FAAH2: variants seen among roughly 807,000 people sequenced by gnomAD.
FAAH2 encodes fatty-acid amide hydrolase 2.
FAAH2 carries 60 observed loss-of-function variants against 36.9 expected under a neutral mutation model. That is an observed-to-expected ratio of 1.63 (90% confidence interval 1.32 to 2.02). The LOEUF (loss-of-function observed/expected upper bound fraction) is 2.02, where lower values mean the gene tolerates loss of function less well. Among genes scored for constraint, FAAH2 ranks in the 30% most tolerant of loss-of-function variants. The pLI is 0.00. For synonymous variants in FAAH2, 214 were observed against 143.8 expected (o/e 1.49, Z -3.49); for missense variants, 689 against 397.5 (o/e 1.73, Z -6.23).
At chrX:57,440,464 T>A (rs753031353) in intron 8 of FAAH2, among the ~76,000 whole-genome samples, 5 of 111,892 alleles carry the variant, frequency 4.5e-5, no homozygotes, top group Non-Finnish European at 9.4e-5. Flanking sequence ...ATCCTGAGAC[T>A]TTGCTGAAGT....
chrX:57,302,132 G>A (rs777701124), intron 2 of FAAH2, among the ~76,000 whole-genome samples: 8 of 111,446 alleles, frequency 7.2e-5, no homozygotes, highest in South Asian at 3.8e-4. Context: ...AATGGTCACG[G>A]CAAACTTTCT....
intron 10 of FAAH2, among the ~76,000 whole-genome samples, chrX:57,456,886 C>T (rs2056872810): frequency 8.9e-6 from 1 of 111,733 alleles, no homozygotes; most frequent in Non-Finnish European, 1.9e-5. Flanking sequence ...GATACCAATC[C>T]TACTCACACT....
At chrX:57,243,103 G>T in the FAAH2 span, among the ~76,000 whole-genome samples, 787 of 111,360 alleles carry the variant, frequency 7.1e-3, 30 homozygotes, top group Admixed American at 0.068. Flanking sequence ...TTGAGTAGGC[G>T]GTTTTCCAAT....
the FAAH2 span, among the ~76,000 whole-genome samples, chrX:57,262,551 AG>A: frequency 9.0e-6 from 1 of 111,687 alleles, no homozygotes; most frequent in African/African-American, 3.2e-5. Context: ...GGTTTAAAAA[AG>A]AAATAACACC....
In FAAH2 at chrX:57,331,701, C is replaced by T. The variant is rs766342114; in HGVS notation, c.516C>T (p.Gly172=). 3.3e-6 allele frequency: 4 copies of T among 1,211,261 alleles called. No individual in the cohort carries two copies. The highest frequency in any genetic ancestry group is 4.5e-6 in the Non-Finnish European group (4 of 895,205). ...AGGGAGCTGGTGCCATTCCTCTTGG[C>T]ATAACCAACTGTAGTGAGTTGTGTA... is the stretch of plus-strand genomic sequence containing the variant. The part of the protein sequence containing the change: ...LLKGAGAIPL[G]ITNCSELCMW... Residue 172 remains glycine, a synonymous_variant, in exon 4 of 11, where the codon GGC becomes GGT. Transcript: ENST00000374900.
At chrX:57,213,160 TA>T in the FAAH2 span, among the ~76,000 whole-genome samples, 1 of 111,801 alleles carries the variant, frequency 8.9e-6, no homozygotes, top group African/African-American at 3.2e-5. Flanking sequence ...CATACTTTTG[TA>T]GTATCAGTTG....
chrX:57,323,644 T>C (rs749053456), intron 3 of FAAH2, among the ~76,000 whole-genome samples: 1 of 110,123 alleles, frequency 9.1e-6, no homozygotes, highest in East Asian at 2.8e-4. Flanking sequence ...TTTTGAGAAG[T>C]GTCTGTTCAT....
At chrX:57,320,229 G>C (rs1225421755) in intron 3 of FAAH2, among the ~76,000 whole-genome samples, 1 of 111,810 alleles carries the variant, frequency 8.9e-6, no homozygotes, top group East Asian at 2.8e-4. Context: ...ATAGTGAACA[G>C]GCAACCTATA....
At position 57,460,142 on chromosome X, in the gene FAAH2, G is replaced by C. The variant is rs557774517; in HGVS notation, c.1423+11424G>C. ...GAAAAGGAATGAAAAAAGCCTTCAA[G>C]AAATATGGGACTATATGAAAAGAAT... On this transcript the variant is annotated intron_variant, in intron 10 of 10. Coordinates refer to ENST00000374900, the MANE Select transcript of FAAH2 (RefSeq NM_174912.4). Among the ~76,000 whole-genome samples the C allele has an allele frequency of 5.4e-5, 6 of 111,900 alleles. No individual in the cohort carries two copies. The South Asian group carries it at 2.3e-3, about 42-fold the overall frequency.
chrX:57,392,925 A>G, intron 7 of FAAH2: 1 of 885,096 alleles, frequency 1.1e-6, no homozygotes, highest in South Asian at 2.0e-5. Flanking sequence ...TTTGAGGAGT[A>G]ATTCAATGTT....
intron 7 of FAAH2, among the ~76,000 whole-genome samples, chrX:57,391,777 T>C (rs2055172398): frequency 9.0e-6 from 1 of 111,196 alleles, no homozygotes; most frequent in African/African-American, 3.3e-5. Context: ...TTTTTCTTTT[T>C]ATGAAAAATT....
At chrX:57,147,501 G>A in the FAAH2 span, among the ~76,000 whole-genome samples, 25 of 111,549 alleles carry the variant, frequency 2.2e-4, no homozygotes, top group African/African-American at 7.8e-4. Flanking sequence ...TCTTTTAAAA[G>A]AACCAGCTTT....
intron 7 of FAAH2, among the ~76,000 whole-genome samples, chrX:57,400,666 A>G (rs1285685329): frequency 8.9e-6 from 1 of 112,593 alleles, no homozygotes; most frequent in African/African-American, 3.2e-5. Flanking sequence ...TAGTTGCTTT[A>G]GGGTTTTGGG....
At chrX:57,211,857 A>G in the FAAH2 span, among the ~76,000 whole-genome samples, 7 of 112,147 alleles carry the variant, frequency 6.2e-5, no homozygotes, top group South Asian at 2.6e-3. Context: ...GAATGTACCC[A>G]GAAGCAAAGA....
chrX:57,266,484 C>T, the FAAH2 span, among the ~76,000 whole-genome samples: 16 of 112,724 alleles, frequency 1.4e-4, no homozygotes, highest in East Asian at 2.8e-4. Flanking sequence ...CCTCTCTGGA[C>T]GGAGCCGCCA....
At chrX:57,195,008 C>G in the FAAH2 span, among the ~76,000 whole-genome samples, 1 of 110,658 alleles carries the variant, frequency 9.0e-6, no homozygotes, top group Non-Finnish European at 1.9e-5. Flanking sequence ...TTTATCTACT[C>G]ATTGATTGAT....
intron 5 of FAAH2, among the ~76,000 whole-genome samples, chrX:57,365,658 A>G (rs1478123310): frequency 8.9e-6 from 1 of 111,743 alleles, no homozygotes; most frequent in Non-Finnish European, 1.9e-5. Flanking sequence ...TTTCTTCCAC[A>G]TTGCTTGCTC....
chrX:57,420,261 T>A (rs1021581771), intron 7 of FAAH2, among the ~76,000 whole-genome samples: 3 of 111,697 alleles, frequency 2.7e-5, no homozygotes, highest in African/African-American at 9.8e-5. Context: ...GTGAAGACAG[T>A]CATTGGTAGC....
Position 57,488,912 on chromosome X carries a change from G to A in FAAH2, c.1579G>A (p.Val527Ile), listed in dbSNP as rs776150208. 3.3e-6 allele frequency: 4 copies of A among 1,210,348 alleles called. No individual in the cohort carries two copies. Among genetic ancestry groups the A allele is most frequent in the Non-Finnish European group, 4.5e-6 (4 of 895,123 alleles). ...CTTGGAGAAAACTTTTGGGGGCTGG[G>A]TCTGTCCAGGAAAGTTTTAGGAGGA... The part of the protein sequence containing the change: ...QYLEKTFGGW[V>I]CPGKF The change falls in exon 11 of 11, where the codon GTC becomes ATC. Residue 527 changes from valine to isoleucine, a missense_variant. Transcript: ENST00000374900.
Sources: gnomAD v4.1 joint callset for allele counts (sites outside exome capture counted in the v4.1 genomes callset) on GRCh38, gnomAD v4.1.1 for gene constraint, MANE v1.5 for transcripts, NCBI Gene and HGNC (gene_info 2026-07-23, HGNC 2026-07-21) for gene names.